The following SYT9 variants were observed in gnomAD, a reference collection of about 807,000 sequenced individuals.
The protein encoded by SYT9 is synaptotagmin-9.
Under a neutral mutation model 48.4 loss-of-function variants are expected in SYT9, and 22 were observed. The ratio of observed to expected loss-of-function variants is 0.45; its 90% CI spans 0.32 to 0.65. SYT9 has a LOEUF of 0.65. Ranked by LOEUF, SYT9 falls within the 30% of genes least tolerant of loss-of-function variation. SYT9 has a pLI of 0.03. For missense variants in SYT9, 577 were observed against 622.0 expected, an observed-to-expected ratio of 0.93 and a Z score of 0.77; for synonymous variants, 265 against 245.0, an observed-to-expected ratio of 1.08 and a Z score of -0.76.
rs770903745 is a variant in SYT9 at position 7,416,034 on chromosome 11, C to T, written c.1045-8C>T. On this transcript the variant is annotated splice_region_variant and splice_polypyrimidine_tract_variant and intron_variant, in intron 3 of 6. Transcript: ENST00000318881. ...TTTCTAATACTTTAGTTTGTGCTTT[C>T]TCAACAGGACAACGTGGATCTGGGA... 6.2e-7 allele frequency: 1 copy of T among 1,614,102 alleles called. No individual in the cohort carries two copies. Among genetic ancestry groups the T allele is most frequent in the Non-Finnish European group, 8.5e-7 (1 of 1,179,992 alleles).
At chr11:7,250,481 G>T (rs1301431954), upstream of SYT9, among the ~76,000 whole-genome samples, 2 of 120,410 alleles carry the variant, frequency 1.7e-5, no homozygotes, top group East Asian at 4.9e-4. Context: ...TATCTCTGGT[G>T]TCACCTTCTC....
intron 3 of SYT9, among the ~76,000 whole-genome samples, chr11:7,403,610 C>A (rs1307562797): frequency 1.3e-5 from 2 of 152,070 alleles, no homozygotes; most frequent in Non-Finnish European, 2.9e-5. Flanking sequence ...TCCAAATACA[C>A]TGATATTTTT....
intron 6 of SYT9, among the ~76,000 whole-genome samples, chr11:7,429,096 A>G (rs916615437): frequency 7.2e-5 from 11 of 152,116 alleles, no homozygotes; most frequent in Admixed American, 6.5e-5. Flanking sequence ...GCACCCATAC[A>G]CCGACAGAGT....
Position 7,414,017 on chromosome 11 carries a change from A to G in SYT9, c.1045-2025A>G, listed in dbSNP as rs919737401. On this transcript the variant is annotated intron_variant, in intron 3 of 6. Transcript: ENST00000318881. ...ACTTATGAGCAAATAGCCATATTGT[A>G]TAAATATTTTTGAATGGGCTTATGT... Among the ~76,000 whole-genome samples the G allele has an allele frequency of 2.0e-5, 3 of 152,212 alleles. No homozygotes were observed. The South Asian group carries it at 6.2e-4, about 32-fold the overall frequency.
intron 5 of SYT9, 70 bp downstream of exon 5, chr11:7,418,198 A>G (rs1216341985): frequency 2.6e-6 from 4 of 1,529,716 alleles, no homozygotes; most frequent in East Asian, 4.5e-5. Flanking sequence ...GAGGGGGAGC[A>G]GCAGCCACAG....
chr11:7,371,882 T>A (rs1036200394), intron 3 of SYT9, among the ~76,000 whole-genome samples: 2 of 152,238 alleles, frequency 1.3e-5, no homozygotes, highest in African/African-American at 4.8e-5. Flanking sequence ...TAGCAGAATT[T>A]GTTTATCCAT....
intron 3 of SYT9, among the ~76,000 whole-genome samples, chr11:7,413,180 A>C (rs1229998845): frequency 3.3e-5 from 5 of 152,284 alleles, no homozygotes; most frequent in African/African-American, 1.2e-4. Flanking sequence ...GTTGTGCAGC[A>C]TGTGATTTGC....
intron 1 of SYT9, among the ~76,000 whole-genome samples, chr11:7,257,562 A>C (rs1847996991): frequency 6.6e-6 from 1 of 152,182 alleles, no homozygotes; most frequent in South Asian, 2.1e-4. Flanking sequence ...AATAATCATC[A>C]AGATTAAATA....
chr11:7,281,066 C>T (rs544646980), intron 1 of SYT9, among the ~76,000 whole-genome samples: 2 of 152,326 alleles, frequency 1.3e-5, no homozygotes, highest in East Asian at 3.9e-4. Context: ...GTCTAATTCA[C>T]TACTGAATGG....
intron 3 of SYT9, among the ~76,000 whole-genome samples, chr11:7,344,296 A>G (rs577106274): frequency 1.9e-3 from 292 of 151,828 alleles, no homozygotes; most frequent in Non-Finnish European, 3.8e-3. Context: ...AATATTCTGG[A>G]TGCCAGTCCT....
intron 6 of SYT9, among the ~76,000 whole-genome samples, chr11:7,463,846 C>T (rs917786777): frequency 2.6e-5 from 4 of 152,174 alleles, no homozygotes; most frequent in African/African-American, 9.7e-5. Flanking sequence ...TTGATTCTGG[C>T]TAATTACACA....
chr11:7,267,317 GA>G (rs1414549171), intron 1 of SYT9, among the ~76,000 whole-genome samples: 1 of 151,754 alleles, frequency 6.6e-6, no homozygotes, highest in African/African-American at 2.4e-5. Context: ...TCATGTTCAC[GA>G]AACATTTAAA....
intron 3 of SYT9, among the ~76,000 whole-genome samples, chr11:7,348,688 C>CTTTTTTGTTTTTTT (rs1849848306): frequency 2.1e-5 from 1 of 47,098 alleles, no homozygotes. Flanking sequence ...ATCAGACCTC[C>CTTTTTTGTTTTTTT]TTTTTTTTTT....
chr11:7,462,695 T>G (rs1252799388), intron 6 of SYT9, among the ~76,000 whole-genome samples: 1 of 152,256 alleles, frequency 6.6e-6, no homozygotes, highest in Non-Finnish European at 1.5e-5. Flanking sequence ...TTTGTGCTTT[T>G]TAAATAAAAT....
chr11:7,313,079 A>G (rs1482049340), intron 2 of SYT9, among the ~76,000 whole-genome samples: 1 of 152,254 alleles, frequency 6.6e-6, no homozygotes, highest in African/African-American at 2.4e-5. Context: ...AAATCTTTAC[A>G]TTCCACCAGA....
chr11:7,314,083 CT>C, intron 3 of SYT9, 142 bp downstream of exon 3: 1 of 932,874 alleles, frequency 1.1e-6, no homozygotes, highest in Non-Finnish European at 1.6e-6. Context: ...CTCCTTGTAC[CT>C]TTTCAGAAAC....
chr11:7,259,773 A>G (rs1848044135), intron 1 of SYT9, among the ~76,000 whole-genome samples: 1 of 152,102 alleles, frequency 6.6e-6, no homozygotes. Flanking sequence ...ATTAATTAGA[A>G]TGTAAATATT....
rs905086505 is a variant in SYT9 at position 7,288,260 on chromosome 11, T to G, written c.146-14779T>G. Reference sequence around the variant, plus strand: ...TATGTACCTGGCTATTGTTGGTATTTGGTAAAACTATGGCATTATATGTAT... The same window carrying G: ...TATGTACCTGGCTATTGTTGGTATTGGGTAAAACTATGGCATTATATGTAT... On this transcript the variant is annotated intron_variant, in intron 1 of 6. Transcript: ENST00000318881. 5.4e-5 allele frequency among the ~76,000 whole-genome samples: 8 copies of G among 149,242 alleles called. No homozygotes were observed. The Admixed American group carries it at 5.4e-4, about 10-fold the overall frequency.
At chr11:7,418,170 C>T (rs1847287543) in intron 5 of SYT9, 42 bp downstream of exon 5, 4 of 1,596,484 alleles carry the variant, frequency 2.5e-6, no homozygotes, top group South Asian at 2.3e-5. Flanking sequence ...GTTCACTGTG[C>T]CCAGGACTGG....
Sources: allele counts gnomAD v4.1 joint callset (sites outside exome capture counted in the v4.1 genomes callset), GRCh38; gene constraint gnomAD v4.1.1; transcripts MANE v1.5; gene names NCBI Gene and HGNC (gene_info 2026-07-23, HGNC 2026-07-21).